SCHIP1: variants seen among roughly 807,000 people sequenced by gnomAD.
SCHIP1 encodes schwannomin-interacting protein 1.
In SCHIP1, 8 loss-of-function variants were observed where a neutral mutation model predicts 29.7. That is an observed-to-expected ratio of 0.27 (90% confidence interval 0.16 to 0.49). The LOEUF is 0.49. Ranked by LOEUF, SCHIP1 falls within the 20% of genes least tolerant of loss-of-function variation. The pLI is 0.99. For synonymous variants in SCHIP1, 76 were observed against 94.9 expected (o/e 0.80, Z 1.16); for missense variants, 193 against 294.6 (o/e 0.66, Z 2.52).
At chr3:159,678,071 A>G in the SCHIP1 span, among the ~76,000 whole-genome samples, 2 of 152,364 alleles carry the variant, frequency 1.3e-5, no homozygotes, top group South Asian at 4.1e-4. Context: ...CAAACCTGTG[A>G]AAGCTCTAGT....
the SCHIP1 span, among the ~76,000 whole-genome samples, chr3:159,448,396 G>A: frequency 7.2e-5 from 11 of 152,058 alleles, no homozygotes; most frequent in Non-Finnish European, 1.3e-4. Context: ...GCTTGAACCC[G>A]GGAGGTGGAC....
chr3:159,768,512 A>C, the SCHIP1 span: 1 of 152,374 alleles, frequency 6.6e-6, no homozygotes, highest in African/African-American at 2.4e-5. Flanking sequence ...AATTCAGATA[A>C]GATTGAGAGG....
At chr3:159,313,568 T>C in the SCHIP1 span, among the ~76,000 whole-genome samples, 2 of 152,226 alleles carry the variant, frequency 1.3e-5, no homozygotes, top group Non-Finnish European at 2.9e-5. Context: ...GTTGCAATCC[T>C]AGTACAGAGA....
At chr3:159,693,142 C>T in the SCHIP1 span, among the ~76,000 whole-genome samples, 7 of 152,054 alleles carry the variant, frequency 4.6e-5, no homozygotes, top group East Asian at 3.9e-4. Flanking sequence ...TATATCACCC[C>T]GAATATCAGT....
At chr3:159,336,033 A>G in the SCHIP1 span, among the ~76,000 whole-genome samples, 1 of 152,206 alleles carries the variant, frequency 6.6e-6, no homozygotes, top group African/African-American at 2.4e-5. Flanking sequence ...AATGATCACC[A>G]TTCTAAGTGG....
At chr3:159,544,047 A>T in the SCHIP1 span, among the ~76,000 whole-genome samples, 6 of 152,108 alleles carry the variant, frequency 3.9e-5, no homozygotes, top group African/African-American at 1.4e-4. Context: ...AAGCTCTACC[A>T]GGTCACTTCC....
chr3:159,643,405 C>T, the SCHIP1 span, among the ~76,000 whole-genome samples: 1 of 152,136 alleles, frequency 6.6e-6, no homozygotes, highest in African/African-American at 2.4e-5. Flanking sequence ...GTAGCCAAGC[C>T]CATGAGAGAC....
the SCHIP1 span, among the ~76,000 whole-genome samples, chr3:159,787,587 TA>T: frequency 6.6e-6 from 1 of 152,334 alleles, no homozygotes; most frequent in East Asian, 1.9e-4. Flanking sequence ...TAAGAAAAAG[TA>T]AATATTCTTT....
the SCHIP1 span, among the ~76,000 whole-genome samples, chr3:159,296,463 G>T: frequency 2.0e-5 from 3 of 152,074 alleles, no homozygotes; most frequent in Admixed American, 6.6e-5. Flanking sequence ...ATGTATGTGT[G>T]GTAAGGACAC....
At chr3:159,766,854 C>T in the SCHIP1 span, among the ~76,000 whole-genome samples, 3 of 152,182 alleles carry the variant, frequency 2.0e-5, no homozygotes, top group Admixed American at 6.5e-5. Context: ...TTACCTAGCA[C>T]CACCTCATAC....
the SCHIP1 span, among the ~76,000 whole-genome samples, chr3:159,442,030 T>C: frequency 6.6e-6 from 1 of 152,132 alleles, no homozygotes; most frequent in East Asian, 1.9e-4. Flanking sequence ...AGAAACAGCA[T>C]GAACAATTGT....
the SCHIP1 span, among the ~76,000 whole-genome samples, chr3:159,426,650 T>C: frequency 6.6e-6 from 1 of 151,986 alleles, no homozygotes; most frequent in Non-Finnish European, 1.5e-5. Context: ...TTCCAATCAA[T>C]AGAAAAAGAG....
chr3:159,811,921 ATCTT>A, the SCHIP1 span, among the ~76,000 whole-genome samples: 438 of 146,122 alleles, frequency 3.0e-3, 3 homozygotes, highest in African/African-American at 0.011. Flanking sequence ...CTTTATTTAG[ATCTT>A]TCTTCTTATA....
the SCHIP1 span, among the ~76,000 whole-genome samples, chr3:159,301,172 C>A: frequency 6.6e-6 from 1 of 152,196 alleles, no homozygotes; most frequent in African/African-American, 2.4e-5. Flanking sequence ...CTCATATCAA[C>A]TTTTGGAAGT....
At chr3:159,428,731 A>G in the SCHIP1 span, among the ~76,000 whole-genome samples, 11 of 151,768 alleles carry the variant, frequency 7.2e-5, no homozygotes, top group Non-Finnish European at 1.3e-4. Context: ...ATGCTGCTAT[A>G]AAGACAGATA....
At chr3:159,336,166 C>A in the SCHIP1 span, among the ~76,000 whole-genome samples, 1 of 152,088 alleles carries the variant, frequency 6.6e-6, no homozygotes, top group African/African-American at 2.4e-5. Flanking sequence ...CTGTTCATAT[C>A]CTTCGCTCAC....
chr3:159,752,979 G>A, the SCHIP1 span, among the ~76,000 whole-genome samples: 2 of 152,278 alleles, frequency 1.3e-5, no homozygotes, highest in South Asian at 4.1e-4. Flanking sequence ...GCTACAATGA[G>A]CCTCTTCGTG....
chr3:159,744,882 G>T, the SCHIP1 span, among the ~76,000 whole-genome samples: 7 of 152,290 alleles, frequency 4.6e-5, no homozygotes, highest in African/African-American at 1.7e-4. Context: ...CTACTCGGGA[G>T]GCTGAGGCAG....
At chr3:159,859,994 T>TGC (rs1553796488) in intron 1 of SCHIP1, among the ~76,000 whole-genome samples, 11 of 149,916 alleles carry the variant, frequency 7.3e-5, no homozygotes, top group South Asian at 2.1e-4. Context: ...TGTGTGTGTG[T>TGC]GCGTGTGTGT....
Sources: gnomAD v4.1 joint callset for allele counts (sites outside exome capture counted in the v4.1 genomes callset) on GRCh38, gnomAD v4.1.1 for gene constraint, MANE v1.5 for transcripts, NCBI Gene and HGNC (gene_info 2026-07-23, HGNC 2026-07-21) for gene names.